The following CAST variants were observed in gnomAD, a reference collection of about 807,000 sequenced individuals.
The protein encoded by CAST is MIR583 host.
A neutral mutation model predicts 119.6 loss-of-function variants in CAST; 76 were observed. The ratio of observed to expected loss-of-function variants is 0.64; its 90% confidence interval spans 0.53 to 0.77. CAST has a LOEUF of 0.77. Ranked by LOEUF, CAST falls within the 30% of genes least tolerant of loss-of-function variation. The pLI, the probability that CAST is intolerant of heterozygous loss-of-function variation, is 0.00. For synonymous variants in CAST, 319 were observed against 331.6 expected (o/e 0.96, Z 0.41); for missense variants, 953 against 946.5 (o/e 1.01, Z -0.09).
At chr5:96,084,156 G>T in the CAST span, among the ~76,000 whole-genome samples, 1 of 152,096 alleles carries the variant, frequency 6.6e-6, no homozygotes, top group African/African-American at 2.4e-5. Context: ...AATGACATAT[G>T]GCTGACTTGG....
the CAST span, among the ~76,000 whole-genome samples, chr5:96,452,097 T>C: frequency 6.6e-6 from 1 of 152,148 alleles, no homozygotes; most frequent in Non-Finnish European, 1.5e-5. Flanking sequence ...TCCTCAAGGA[T>C]CTAGAACCAG....
the CAST span, among the ~76,000 whole-genome samples, chr5:96,005,216 A>T: frequency 6.6e-6 from 1 of 152,214 alleles, no homozygotes; most frequent in Non-Finnish European, 1.5e-5. Flanking sequence ...ATGAAGCCCC[A>T]AAGTCCAAGA....
At chr5:96,284,388 T>C in the CAST span, among the ~76,000 whole-genome samples, 42 of 152,254 alleles carry the variant, frequency 2.8e-4, no homozygotes, top group African/African-American at 9.4e-4. Context: ...AGGTCTCCAG[T>C]TGCCCATACA....
the CAST span, among the ~76,000 whole-genome samples, chr5:96,114,540 C>T: frequency 7.2e-4 from 109 of 152,260 alleles, 1 homozygote; most frequent in African/African-American, 2.5e-3. Context: ...ATTCTATAGA[C>T]TTGTGTGGTA....
At chr5:96,413,334 A>G in the CAST span, among the ~76,000 whole-genome samples, 1 of 152,310 alleles carries the variant, frequency 6.6e-6, no homozygotes, top group African/African-American at 2.4e-5. Flanking sequence ...GAAGGCAAAA[A>G]CAATCTGGAC....
At chr5:96,703,112 C>T (rs984181633) in intron 3 of CAST, among the ~76,000 whole-genome samples, 2 of 152,246 alleles carry the variant, frequency 1.3e-5, no homozygotes, top group East Asian at 1.9e-4. Flanking sequence ...TTCTTGGCGA[C>T]TCCTCCTCCT....
chr5:95,974,243 C>T, the CAST span, among the ~76,000 whole-genome samples: 287 of 152,282 alleles, frequency 1.9e-3, 3 homozygotes, highest in Middle Eastern at 3.4e-3. Context: ...TGATTCATCC[C>T]ACTTAAGATT....
At chr5:96,406,504 C>G in the CAST span, among the ~76,000 whole-genome samples, 1 of 152,180 alleles carries the variant, frequency 6.6e-6, no homozygotes, top group Non-Finnish European at 1.5e-5. Context: ...AGTAGGTGGA[C>G]TCTTGGTAAG....
chr5:96,169,195 G>T, the CAST span, among the ~76,000 whole-genome samples: 1 of 152,130 alleles, frequency 6.6e-6, no homozygotes, highest in Non-Finnish European at 1.5e-5. Flanking sequence ...TGCCGAGATA[G>T]GTAACAGATG....
intron 1 of CAST, among the ~76,000 whole-genome samples, chr5:96,656,489 G>C (rs1748160489): frequency 1.3e-5 from 2 of 152,146 alleles, no homozygotes; most frequent in South Asian, 4.1e-4. Flanking sequence ...TCCCTGGCAG[G>C]CCTGTTCTTT....
chr5:96,584,029 T>A (rs1746809689), intron 1 of CAST, among the ~76,000 whole-genome samples: 1 of 152,186 alleles, frequency 6.6e-6, no homozygotes, highest in African/African-American at 2.4e-5. Context: ...TCATTATTTT[T>A]GATAGGTATG....
chr5:96,364,809 G>A, the CAST span, among the ~76,000 whole-genome samples: 1 of 152,080 alleles, frequency 6.6e-6, no homozygotes, highest in Admixed American at 6.5e-5. Context: ...AGGGTTTTTT[G>A]TGTCTCTGTC....
intron 1 of CAST, among the ~76,000 whole-genome samples, chr5:96,554,260 C>G (rs1461246640): frequency 6.6e-6 from 1 of 152,094 alleles, no homozygotes; most frequent in Non-Finnish European, 1.5e-5. Context: ...ACACATCTGT[C>G]ACCATCTGAT....
the CAST span, among the ~76,000 whole-genome samples, chr5:96,149,783 G>C: frequency 6.6e-6 from 1 of 152,188 alleles, no homozygotes; most frequent in Admixed American, 6.5e-5. Flanking sequence ...GTTAATTCTT[G>C]TGTAAGCATT....
intron 3 of CAST, among the ~76,000 whole-genome samples, chr5:96,721,772 A>G (rs933890039): frequency 6.6e-6 from 1 of 152,210 alleles, no homozygotes; most frequent in African/African-American, 2.4e-5. Flanking sequence ...AAGTACTAGA[A>G]TAGTACTCCA....
At chr5:96,467,601 T>C in the CAST span, among the ~76,000 whole-genome samples, 1 of 152,096 alleles carries the variant, frequency 6.6e-6, no homozygotes, top group African/African-American at 2.4e-5. Context: ...CATGGTACCC[T>C]GGATTTGATT....
chr5:96,233,489 G>A, the CAST span, among the ~76,000 whole-genome samples: 8 of 152,110 alleles, frequency 5.3e-5, no homozygotes, highest in East Asian at 1.5e-3. Context: ...TAAAAAAATT[G>A]ATTCACAGAA....
At chr5:96,130,111 A>G in the CAST span, among the ~76,000 whole-genome samples, 145 of 146,760 alleles carry the variant, frequency 9.9e-4, no homozygotes, top group African/African-American at 3.4e-3. Flanking sequence ...GTTAGTGGGG[A>G]AGAGTAACTT....
At chr5:96,164,248 A>G in the CAST span, among the ~76,000 whole-genome samples, 1 of 152,246 alleles carries the variant, frequency 6.6e-6, no homozygotes, top group East Asian at 1.9e-4. Context: ...GAAAGAATAG[A>G]AAGAATAAAA....
Sources: gnomAD v4.1 joint callset for allele counts (sites outside exome capture counted in the v4.1 genomes callset) on GRCh38, gnomAD v4.1.1 for gene constraint, MANE v1.5 for transcripts, NCBI Gene and HGNC (gene_info 2026-07-23, HGNC 2026-07-21) for gene names.